The following CKAP5 variants were observed in gnomAD, a reference collection of about 807,000 sequenced individuals.
CKAP5 encodes the protein cytoskeleton associated protein 5, also known as cytoskeleton-associated protein 5.
Under a neutral mutation model 232.8 loss-of-function variants are expected in CKAP5, and 27 were observed. The ratio of observed to expected loss-of-function variants is 0.12; its 90% CI spans 0.09 to 0.16. The LOEUF is 0.16. Ranked by LOEUF, CKAP5 falls within the 10% of genes least tolerant of loss-of-function variation. CKAP5 has a pLI of 1.00. For missense variants in CKAP5, 1,838 were observed against 2,424.7 expected (o/e 0.76, Z 5.08); for synonymous variants, 785 against 841.1 (o/e 0.93, Z 1.16).
intron 38 of CKAP5, among the ~76,000 whole-genome samples, chr11:46,752,187 TATATATACACACACAC>T (rs1392491801): frequency 4.0e-4 from 27 of 67,870 alleles, no homozygotes; most frequent in African/African-American, 1.1e-3. Context: ...TATATATATA[TATATATACACACACAC>T]ACACACACAC....
At chr11:46,752,193 T>TATATATATATACACAC (rs1408030107) in intron 38 of CKAP5, among the ~76,000 whole-genome samples, 9 of 66,540 alleles carry the variant, frequency 1.4e-4, no homozygotes, top group African/African-American at 3.6e-4. Flanking sequence ...TATATATATA[T>TATATATATATACACAC]ACACACACAC....
chr11:46,772,085 G>A (rs1052821070), intron 24 of CKAP5, among the ~76,000 whole-genome samples: 6 of 149,934 alleles, frequency 4.0e-5, no homozygotes, highest in Non-Finnish European at 8.8e-5. Flanking sequence ...CCAGGCTGGA[G>A]TGCAATGGCA....
At chr11:46,769,218 C>G (rs183947406) in intron 26 of CKAP5, among the ~76,000 whole-genome samples, 3 of 152,222 alleles carry the variant, frequency 2.0e-5, no homozygotes, top group Admixed American at 2.0e-4. Context: ...TGTGCCCAGC[C>G]TATTATGGAA....
chr11:46,781,274 T>C (rs561281915), intron 18 of CKAP5, among the ~76,000 whole-genome samples: 1 of 152,202 alleles, frequency 6.6e-6, no homozygotes, highest in Non-Finnish European at 1.5e-5. Flanking sequence ...TTTTTAAATA[T>C]CTTATCAGTT....
At chr11:46,822,028 G>C (rs1939545997) in intron 1 of CKAP5, among the ~76,000 whole-genome samples, 1 of 151,990 alleles carries the variant, frequency 6.6e-6, no homozygotes. Context: ...GACAGAGTAA[G>C]ACTCCATCTC....
chr11:46,796,587 T>C (rs1273093760), intron 12 of CKAP5, among the ~76,000 whole-genome samples: 3 of 152,204 alleles, frequency 2.0e-5, no homozygotes, highest in African/African-American at 7.2e-5. Context: ...TCAGCATTTT[T>C]TTCTTAATAA....
chr11:46,756,102 C>CCA (rs1480139699), intron 35 of CKAP5, among the ~76,000 whole-genome samples: 1 of 152,142 alleles, frequency 6.6e-6, no homozygotes, highest in East Asian at 1.9e-4. Context: ...ACATACTGGT[C>CCA]CAGTGTTCTG....
Position 46,778,268 on chromosome 11 carries a change from A to G in CKAP5, c.2619T>C (p.Asn873=). 4 of 1,613,954 alleles carry G rather than the reference A, an allele frequency of 2.5e-6. No individual in the cohort carries two copies. The highest frequency in any genetic ancestry group is 2.5e-6 in the Non-Finnish European group (3 of 1,179,906). Residue 873 remains asparagine, a synonymous_variant, in exon 22 of 44, where the codon AAT becomes AAC. Coordinates refer to ENST00000529230, the MANE Select transcript of CKAP5 (RefSeq NM_001008938.4). ...SELVSKIGDK[N]WKIRKEGLDE... is the part of the protein sequence containing the mutation. Reference sequence around the variant, plus strand: ...CTAGGCCTTCTTTCCTAATCTTCCAATTCTTATCACCAATCTTAGATACCA... The same window carrying G: ...CTAGGCCTTCTTTCCTAATCTTCCAGTTCTTATCACCAATCTTAGATACCA...
intron 1 of CKAP5, among the ~76,000 whole-genome samples, chr11:46,835,852 A>G (rs1939905389): frequency 6.6e-6 from 1 of 152,238 alleles, no homozygotes; most frequent in Non-Finnish European, 1.5e-5. Flanking sequence ...TAACTTTAAT[A>G]CTTAACCTAG....
intron 1 of CKAP5, among the ~76,000 whole-genome samples, chr11:46,844,125 G>A (rs1168803575): frequency 6.6e-6 from 1 of 151,996 alleles, no homozygotes; most frequent in African/African-American, 2.4e-5. Context: ...GGGAGGCTGA[G>A]GTGGCAGAAT....
chr11:46,844,076 G>A (rs1940122080), intron 1 of CKAP5, among the ~76,000 whole-genome samples: 1 of 152,028 alleles, frequency 6.6e-6, no homozygotes, highest in Non-Finnish European at 1.5e-5. Context: ...CAAAAAATTA[G>A]CTGGGCATTG....
At chr11:46,791,517 C>CA (rs1048357873) in intron 13 of CKAP5, among the ~76,000 whole-genome samples, 5 of 151,644 alleles carry the variant, frequency 3.3e-5, no homozygotes, top group African/African-American at 9.7e-5. Context: ...ACAAAAAATA[C>CA]AAAAAAATTA....
At chr11:46,773,253 T>A (rs1409798550) in intron 24 of CKAP5, among the ~76,000 whole-genome samples, 15 of 144,710 alleles carry the variant, frequency 1.0e-4, no homozygotes. Flanking sequence ...GAATGTTCTA[T>A]TTTTTTTTTT....
In CKAP5 at chr11:46,751,007, T is replaced by C; in HGVS notation, c.5460+111A>G. The C allele has an allele frequency of 2.3e-6, 3 of 1,295,984 alleles. No individual in the cohort carries two copies. In the South Asian group the frequency reaches 4.1e-5, roughly 18 times the overall value. 80.3% of individuals were successfully genotyped at this position (1,295,984 alleles called of 1,614,324 possible). A position where few individuals can be genotyped will look rare whatever the true frequency, so the allele number is the denominator to read the frequency against. On this transcript the variant is annotated intron_variant, in intron 40 of 43. Transcript: ENST00000529230. The stretch of plus-strand genomic sequence containing the variant: ...GCAGGAGACTGATTCAACCAGTCCA[T>C]GAGCCTTCACCTTGGACCTTCGGAA...
At chr11:46,821,495 G>A (rs1176643639) in intron 1 of CKAP5, among the ~76,000 whole-genome samples, 2 of 124,938 alleles carry the variant, frequency 1.6e-5, no homozygotes, top group Non-Finnish European at 3.1e-5. Context: ...CCCGATCTCC[G>A]CTTACTGCAA....
chr11:46,795,619 G>A lies in CKAP5; in HGVS notation c.1625C>T (p.Pro542Leu), dbSNP rs1565739639. Residue 542 changes from proline (P) to leucine (L), a missense_variant, in exon 13 of 44, where the codon CCT (proline) becomes CTT (leucine). Physicochemically the swap from Pro to Leu is moderately conservative, Grantham distance 98. Transcript: ENST00000529230. ...CTTAGCAGCAGGTGCCTTTTTTAGA[G>A]GTCCTGGTTTGGGTGCAGAAATGTC... ...TKDISAPKPG[P>L]LKKAPAAKAG... The A allele has an allele frequency of 6.2e-7, 1 of 1,613,068 alleles. No homozygotes were observed. The highest frequency in any genetic ancestry group is 8.5e-7 in the Non-Finnish European group (1 of 1,179,642).
intron 4 of CKAP5, among the ~76,000 whole-genome samples, chr11:46,814,081 G>A (rs1360583911): frequency 1.4e-5 from 2 of 144,596 alleles, no homozygotes; most frequent in East Asian, 4.2e-4. Flanking sequence ...GCAGTGAGCT[G>A]AGATCGTACC....
At chr11:46,826,108 T>C (rs1939645567) in intron 1 of CKAP5, among the ~76,000 whole-genome samples, 1 of 152,222 alleles carries the variant, frequency 6.6e-6, no homozygotes, top group Admixed American at 6.5e-5. Flanking sequence ...TTGGTGTGTT[T>C]GCTTTCCTAA....
In CKAP5 at chr11:46,816,382, C is replaced by T. The variant is rs372059645; in HGVS notation, c.274G>A (p.Gly92Ser). 39 of 1,613,932 alleles carry T rather than the reference C, an allele frequency of 2.4e-5. No homozygotes were observed. The African/African-American group carries it at 5.1e-4, about 21-fold the overall frequency. Residue 92 changes from glycine to serine, a missense_variant, in exon 4 of 44, where the codon GGT becomes AGT. Physicochemically the swap from Gly to Ser is moderately conservative, Grantham distance 56. Transcript: ENST00000529230. ...AGKTTGEVVSGVVSKVFNQPK... is the reference protein window; with the variant it reads ...AGKTTGEVVSSVVSKVFNQPK... The stretch of plus-strand genomic sequence containing the variant: ...TGATTGAACACCTTACTTACAACAC[C>T]TGACACAACTTCTCCTGTGGTTCTG...
Sources: gnomAD v4.1 joint callset for allele counts (sites outside exome capture counted in the v4.1 genomes callset) on GRCh38, gnomAD v4.1.1 for gene constraint, MANE v1.5 for transcripts, NCBI Gene and HGNC (gene_info 2026-07-23, HGNC 2026-07-21) for gene names.